The following SYT7 variants were observed in gnomAD, a reference collection of about 807,000 sequenced individuals.
The protein encoded by SYT7 is synaptotagmin-7.
A neutral mutation model predicts 75.1 loss-of-function variants in SYT7; 29 were observed. The ratio of observed to expected loss-of-function variants is 0.39; its 90% CI spans 0.29 to 0.53. The LOEUF (loss-of-function observed/expected upper bound fraction) is 0.53. SYT7 is among the 20% of genes least tolerant of loss of function. SYT7 has a pLI of 0.77. For synonymous variants in SYT7, 376 were observed against 401.7 expected (o/e 0.94, Z 0.76); for missense variants, 693 against 953.2 (o/e 0.73, Z 3.59).
At chr11:61,534,185 A>C (rs1439545667) in intron 7 of SYT7, among the ~76,000 whole-genome samples, 1 of 152,198 alleles carries the variant, frequency 6.6e-6, no homozygotes, top group Non-Finnish European at 1.5e-5. Context: ...CTAAAATAGA[A>C]CAGCTTTGAG....
chr11:61,549,839 G>A (rs1198372282), intron 3 of SYT7, among the ~76,000 whole-genome samples: 3 of 152,144 alleles, frequency 2.0e-5, no homozygotes, highest in Non-Finnish European at 4.4e-5. Context: ...GGCACAGCCT[G>A]CTGCCCGCCC....
At chr11:61,560,890 A>G (rs2063620929) in intron 1 of SYT7, among the ~76,000 whole-genome samples, 1 of 152,046 alleles carries the variant, frequency 6.6e-6, no homozygotes, top group Non-Finnish European at 1.5e-5. Flanking sequence ...ATTGTTAGGG[A>G]GGGCTGCTGT....
chr11:61,536,700 A>G (rs890010616), intron 7 of SYT7, among the ~76,000 whole-genome samples: 1 of 152,142 alleles, frequency 6.6e-6, no homozygotes, highest in Non-Finnish European at 1.5e-5. Flanking sequence ...ACCACAGACC[A>G]TGCAACTGTG....
In SYT7 at chr11:61,542,327, G is replaced by A. The variant is rs1347687200; in HGVS notation, c.825C>T (p.Gly275=). The change falls in exon 6 of 13, where the codon GGC becomes GGT. Residue 275 remains glycine (G), a synonymous_variant. Transcript: ENST00000539008. The surrounding 1 kb of genome is among the most constrained non-coding windows in gnomAD (Gnocchi z 7.8). ...CCCGGTACTTGGAGCCGGCCGAGGT[G>A]CCCTGCCGAGCCTGGCCCCGGCCAT... The part of the protein sequence containing the change: ...RAYGRGQARQ[G]TSAGSKYRAA... The A allele has an allele frequency of 2.6e-6, 4 of 1,531,664 alleles. No homozygotes were observed. Among genetic ancestry groups the A allele is most frequent in the Non-Finnish European group, 3.5e-6 (4 of 1,144,854 alleles). 94.9% of individuals were successfully genotyped at this position (1,531,664 alleles called of 1,614,324 possible).
upstream of SYT7, among the ~76,000 whole-genome samples, chr11:61,585,579 AAC>A (rs1228706544): frequency 2.0e-5 from 3 of 152,122 alleles, no homozygotes; most frequent in Non-Finnish European, 2.9e-5. Flanking sequence ...GTATAAAGTT[AAC>A]AGATATCTCC....
At chr11:61,582,993 C>T (rs931130440), upstream of SYT7, among the ~76,000 whole-genome samples, 7 of 151,966 alleles carry the variant, frequency 4.6e-5, no homozygotes, top group South Asian at 2.1e-4. Context: ...TTTGGGATGA[C>T]GGGGCGGGAA....
At chr11:61,586,866 A>C in the SYT7 span, among the ~76,000 whole-genome samples, 1 of 151,970 alleles carries the variant, frequency 6.6e-6, no homozygotes, top group Non-Finnish European at 1.5e-5. Flanking sequence ...CTCCCCCAGC[A>C]TTTCCTGTGG....
intron 12 of SYT7, 104 bp downstream of exon 12, chr11:61,522,971 C>A: frequency 8.6e-7 from 1 of 1,167,732 alleles, no homozygotes; most frequent in South Asian, 1.3e-5. Flanking sequence ...CCCAATCTCT[C>A]CTGGTGTCCA....
chr11:61,554,672 G>A (rs1362382868), intron 2 of SYT7, among the ~76,000 whole-genome samples: 1 of 152,064 alleles, frequency 6.6e-6, no homozygotes, highest in African/African-American at 2.4e-5. Flanking sequence ...CCCAGCCTCC[G>A]AGGACACTCA....
At position 61,524,543 on chromosome 11, in the gene SYT7, A is replaced by G; in HGVS notation, c.1472-11T>C. 6.4e-7 allele frequency: 1 copy of G among 1,569,640 alleles called. No individual in the cohort carries two copies. The highest frequency in any genetic ancestry group is 1.2e-5 in the South Asian group (1 of 82,824). ...TCTCATAGGGAAAACCTGGGGGTATAGATGAGTGTGAGTGAAGAGGGGGAC... is the reference window on the plus strand; with the variant it reads ...TCTCATAGGGAAAACCTGGGGGTATGGATGAGTGTGAGTGAAGAGGGGGAC... On this transcript the variant is annotated splice_polypyrimidine_tract_variant and intron_variant, in intron 9 of 12. Coordinates refer to ENST00000539008, the MANE Select transcript of SYT7 (RefSeq NM_001365809.2). The surrounding 1 kb of genome is among the most constrained non-coding windows in gnomAD (Gnocchi z 4.1).
chr11:61,552,195 C>G (rs562387113), intron 2 of SYT7, among the ~76,000 whole-genome samples: 1 of 152,124 alleles, frequency 6.6e-6, no homozygotes, highest in Non-Finnish European at 1.5e-5. Context: ...GTGGCCACAG[C>G]GGCAACTGGG....
intron 1 of SYT7, among the ~76,000 whole-genome samples, chr11:61,566,161 C>G (rs1217642625): frequency 6.6e-6 from 1 of 152,256 alleles, no homozygotes; most frequent in Non-Finnish European, 1.5e-5. Flanking sequence ...GTAATAATGG[C>G]TCACATCTGT....
intron 8 of SYT7, 66 bp from the exon 9 acceptor site, chr11:61,528,251 G>A: frequency 6.4e-7 from 1 of 1,563,690 alleles, no homozygotes. Context: ...CCCCACCGCT[G>A]GCTAGCACGG....
chr11:61,534,210 A>G (rs992232112), intron 7 of SYT7, among the ~76,000 whole-genome samples: 1 of 152,210 alleles, frequency 6.6e-6, no homozygotes, highest in African/African-American at 2.4e-5. Context: ...CACAGCCACA[A>G]ACTGGGAGCC....
At chr11:61,581,306 C>A (rs2064266768), upstream of SYT7, among the ~76,000 whole-genome samples, 1 of 149,312 alleles carries the variant, frequency 6.7e-6, no homozygotes, top group South Asian at 2.1e-4. Context: ...GCCTCGCAGT[C>A]CCCGCGGGGA....
At chr11:61,528,375 G>A (rs909393835) in intron 8 of SYT7, among the ~76,000 whole-genome samples, 190 bp from the exon 9 acceptor site, 1 of 152,138 alleles carries the variant, frequency 6.6e-6, no homozygotes, top group Non-Finnish European at 1.5e-5. Flanking sequence ...GAAGGGGGAG[G>A]GCAGAGCCGA....
chr11:61,535,999 G>A (rs934460101), intron 7 of SYT7, among the ~76,000 whole-genome samples: 1 of 152,196 alleles, frequency 6.6e-6, no homozygotes, highest in African/African-American at 2.4e-5. Context: ...CCAGTGGGTG[G>A]TGCTGGTGCC....
At chr11:61,562,994 G>A (rs1180694749) in intron 1 of SYT7, among the ~76,000 whole-genome samples, 3 of 152,240 alleles carry the variant, frequency 2.0e-5, no homozygotes, top group Non-Finnish European at 2.9e-5. Context: ...ACGGGAGGGG[G>A]TGCCGCAGGA....
At chr11:61,550,063 C>G (rs1171883053) in intron 3 of SYT7, among the ~76,000 whole-genome samples, 2 of 152,166 alleles carry the variant, frequency 1.3e-5, no homozygotes, top group Non-Finnish European at 2.9e-5. Context: ...AAAGCCCGGG[C>G]CTGCACTCTG....
Sources: gnomAD v4.1 joint callset for allele counts (sites outside exome capture counted in the v4.1 genomes callset) on GRCh38, gnomAD v4.1.1 for gene constraint, Gnocchi (gnomAD v3.1) non-coding constraint, MANE v1.5 for transcripts, NCBI Gene and HGNC (gene_info 2026-07-23, HGNC 2026-07-21) for gene names.